Variants in DOK5 observed in about 807,000 individuals in gnomAD.
DOK5 encodes the protein downstream of tyrosine kinase 5.
Under a neutral mutation model 43.3 loss-of-function variants are expected in DOK5, and 27 were observed. That is an observed-to-expected ratio of 0.62 (90% CI 0.46 to 0.86). The LOEUF (loss-of-function observed/expected upper bound fraction) is 0.86. Ranked by LOEUF, DOK5 falls within the 40% of genes least tolerant of loss-of-function variation. DOK5 has a pLI of 0.00. For missense variants in DOK5, 373 were observed against 392.9 expected (o/e 0.95, Z 0.43); for synonymous variants, 146 against 140.1 (o/e 1.04, Z -0.30).
intron 2 of DOK5, among the ~76,000 whole-genome samples, chr20:54,562,688 G>A (rs369244028): frequency 1.3e-5 from 2 of 152,086 alleles, no homozygotes; most frequent in African/African-American, 4.8e-5. Flanking sequence ...AAAGTGCTGG[G>A]ATTACAGGCA....
chr20:54,625,866 C>T (rs773239964), intron 6 of DOK5, among the ~76,000 whole-genome samples: 4 of 152,202 alleles, frequency 2.6e-5, no homozygotes, highest in Non-Finnish European at 4.4e-5. Flanking sequence ...TTCATCCATC[C>T]ATAATTCAAT....
intron 6 of DOK5, among the ~76,000 whole-genome samples, chr20:54,628,340 C>T (rs1017598661): frequency 1.6e-5 from 2 of 124,088 alleles, no homozygotes; most frequent in African/African-American, 3.1e-5. Flanking sequence ...ACCCGGGAGG[C>T]GGAGCTTGCA....
intron 5 of DOK5, among the ~76,000 whole-genome samples, chr20:54,596,073 G>A (rs929304287): frequency 3.3e-5 from 5 of 152,112 alleles, no homozygotes; most frequent in Admixed American, 6.5e-5. Flanking sequence ...TAAATGCAAG[G>A]TAAAATTACT....
intron 6 of DOK5, among the ~76,000 whole-genome samples, chr20:54,618,397 G>A (rs973907697): frequency 6.6e-6 from 1 of 151,142 alleles, no homozygotes; most frequent in African/African-American, 2.4e-5. Flanking sequence ...AGGCTGGAGT[G>A]CAATGGCATG....
chr20:54,618,928 G>A (rs1986897497), intron 6 of DOK5, among the ~76,000 whole-genome samples: 1 of 149,390 alleles, frequency 6.7e-6, no homozygotes, highest in South Asian at 2.1e-4. Context: ...GAGGTGGGAG[G>A]ATGACTTGAG....
intron 6 of DOK5, among the ~76,000 whole-genome samples, chr20:54,619,026 TATATA>T (rs1986902353): frequency 0.013 from 552 of 42,794 alleles, 17 homozygotes; most frequent in East Asian, 0.026. Context: ...CAATAAATTA[TATATA>T]TATATATATA....
chr20:54,546,886 G>C (rs1984366386), intron 1 of DOK5, among the ~76,000 whole-genome samples: 1 of 152,136 alleles, frequency 6.6e-6, no homozygotes, highest in East Asian at 1.9e-4. Flanking sequence ...CCAGACATTT[G>C]GTGGAGGGGG....
At chr20:54,508,602 A>G (rs551450532) in intron 1 of DOK5, among the ~76,000 whole-genome samples, 3 of 152,112 alleles carry the variant, frequency 2.0e-5, no homozygotes, top group South Asian at 2.1e-4. Flanking sequence ...ATTTTGACAC[A>G]GAGTTTCGCT....
intron 6 of DOK5, among the ~76,000 whole-genome samples, chr20:54,637,950 G>A (rs146704598): frequency 0.011 from 1,647 of 152,172 alleles, 28 homozygotes; most frequent in African/African-American, 0.035. Context: ...GTGAAACCCC[G>A]TCTCTACTAA....
At chr20:54,533,241 C>T (rs1461397478) in intron 1 of DOK5, among the ~76,000 whole-genome samples, 1 of 152,170 alleles carries the variant, frequency 6.6e-6, no homozygotes, top group Non-Finnish European at 1.5e-5. Flanking sequence ...CATTAGAAAC[C>T]CCTCTCAGTT....
At chr20:54,513,156 A>G (rs1343832386) in intron 1 of DOK5, among the ~76,000 whole-genome samples, 1 of 152,130 alleles carries the variant, frequency 6.6e-6, no homozygotes, top group Non-Finnish European at 1.5e-5. Context: ...GCCTCTTCCT[A>G]GAGTGTACCC....
At chr20:54,580,168 C>T (rs1323902048) in intron 2 of DOK5, among the ~76,000 whole-genome samples, 1 of 151,876 alleles carries the variant, frequency 6.6e-6, no homozygotes, top group East Asian at 1.9e-4. Flanking sequence ...CACAACTTTA[C>T]AAGAAAAAAA....
intron 6 of DOK5, among the ~76,000 whole-genome samples, chr20:54,623,620 C>T (rs1208595868): frequency 6.6e-6 from 1 of 152,030 alleles, no homozygotes; most frequent in East Asian, 1.9e-4. Flanking sequence ...CGCTCTGTCG[C>T]CCAGGCTGGA....
At chr20:54,622,055 G>A (rs564862779) in intron 6 of DOK5, among the ~76,000 whole-genome samples, 6 of 151,500 alleles carry the variant, frequency 4.0e-5, no homozygotes, top group South Asian at 4.2e-4. Context: ...TTAGCTGGGC[G>A]TGGTGGCGCA....
intron 4 of DOK5, 70 bp from the exon 5 acceptor site, chr20:54,591,546 C>A: frequency 8.1e-7 from 1 of 1,235,112 alleles, no homozygotes; most frequent in Non-Finnish European, 1.1e-6. Flanking sequence ...TTAAATGCCT[C>A]TATGTTCCTA....
intron 7 of DOK5, among the ~76,000 whole-genome samples, chr20:54,646,790 G>A (rs1001238640): frequency 1.3e-5 from 2 of 152,192 alleles, no homozygotes; most frequent in South Asian, 2.1e-4. Flanking sequence ...CCTGGGGTGT[G>A]CCATATGATG....
intron 6 of DOK5, among the ~76,000 whole-genome samples, chr20:54,617,226 C>T (rs1205054975): frequency 6.6e-6 from 1 of 152,234 alleles, no homozygotes; most frequent in East Asian, 1.9e-4. Flanking sequence ...CTTGCCAGCA[C>T]AGCCACATAC....
chr20:54,571,195 A>G (rs1483286977), intron 2 of DOK5, among the ~76,000 whole-genome samples: 1 of 152,180 alleles, frequency 6.6e-6, no homozygotes, highest in African/African-American at 2.4e-5. Context: ...GTAATTAACT[A>G]TTTCTTAAAT....
At chr20:54,595,795 A>C (rs574993188) in intron 5 of DOK5, among the ~76,000 whole-genome samples, 1 of 152,304 alleles carries the variant, frequency 6.6e-6, no homozygotes, top group East Asian at 1.9e-4. Context: ...TTACTTCTCA[A>C]ACAGCTTGGT....
Sources: gnomAD v4.1 joint callset for allele counts (sites outside exome capture counted in the v4.1 genomes callset) on GRCh38, gnomAD v4.1.1 for gene constraint, MANE v1.5 for transcripts, NCBI Gene and HGNC (gene_info 2026-07-23, HGNC 2026-07-21) for gene names.